ANXA10: variants seen among roughly 807,000 people sequenced by gnomAD.
ANXA10 encodes annexin 14.
In ANXA10, 49 loss-of-function variants were observed where a neutral mutation model predicts 53.5. The ratio of observed to expected loss-of-function variants is 0.92; its 90% CI spans 0.73 to 1.16. ANXA10 has a LOEUF of 1.16. Among genes scored for constraint, ANXA10 ranks in the 50% most tolerant of loss-of-function variants. The probability of loss-of-function intolerance (pLI) is 0.00; values close to 1 mark genes in which losing one functional copy is unlikely to be tolerated. For missense variants in ANXA10, 393 were observed against 394.4 expected, an observed-to-expected ratio of 1.00 and a Z score of 0.03; for synonymous variants, 131 against 128.9, an observed-to-expected ratio of 1.02 and a Z score of -0.11.
intron 3 of ANXA10, among the ~76,000 whole-genome samples, chr4:168,158,443 AT>A (rs1247880427): frequency 6.6e-6 from 1 of 152,066 alleles, no homozygotes. Context: ...TAAATTCATC[AT>A]TTTTTCATAT....
intron 3 of ANXA10, among the ~76,000 whole-genome samples, chr4:168,148,958 A>G (rs1036048703): frequency 2.6e-5 from 4 of 151,994 alleles, no homozygotes; most frequent in African/African-American, 9.7e-5. Context: ...ATATAACTTC[A>G]GTTTTGTTTT....
chr4:168,100,314 C>T (rs183321624), intron 1 of ANXA10, among the ~76,000 whole-genome samples: 1 of 152,040 alleles, frequency 6.6e-6, no homozygotes, highest in Non-Finnish European at 1.5e-5. Flanking sequence ...CAAGAACATT[C>T]TTTCCTTAGA....
intron 1 of ANXA10, among the ~76,000 whole-genome samples, chr4:168,105,891 T>G (rs1730712918): frequency 6.6e-6 from 1 of 152,162 alleles, no homozygotes; most frequent in Non-Finnish European, 1.5e-5. Flanking sequence ...TTTCATATGC[T>G]TCTTAGCCAC....
chr4:168,105,883 T>C (rs1203223804), intron 1 of ANXA10, among the ~76,000 whole-genome samples: 1 of 152,190 alleles, frequency 6.6e-6, no homozygotes, highest in African/African-American at 2.4e-5. Context: ...AAGCTTTTTT[T>C]CATATGCTTC....
chr4:168,159,682 T>C (rs1430769112), intron 3 of ANXA10, among the ~76,000 whole-genome samples: 1 of 152,214 alleles, frequency 6.6e-6, no homozygotes, highest in Non-Finnish European at 1.5e-5. Context: ...AATTTGTTTA[T>C]AATAGTCTCT....
intron 1 of ANXA10, among the ~76,000 whole-genome samples, chr4:168,104,533 C>T (rs1730688969): frequency 6.6e-6 from 1 of 151,814 alleles, no homozygotes; most frequent in African/African-American, 2.4e-5. Context: ...GATTTTCTTG[C>T]TGAAAGGTTT....
chr4:168,134,669 A>C (rs776457471), intron 2 of ANXA10, among the ~76,000 whole-genome samples: 4 of 152,098 alleles, frequency 2.6e-5, no homozygotes, highest in Non-Finnish European at 5.9e-5. Flanking sequence ...TCAGGGTCTT[A>C]ACCAGGCTTG....
chr4:168,187,394 C>G lies in ANXA10; in HGVS notation c.935C>G (p.Ala312Gly), dbSNP rs781005742. 6.3e-7 allele frequency: 1 copy of G among 1,598,508 alleles called. No individual in the cohort carries two copies. Among genetic ancestry groups the G allele is most frequent in the African/African-American group, 1.3e-5 (1 of 74,534 alleles). ...RNFASGHYKK[A>G]LLAICAGDAE... ...TTTGCTTCAGGGCATTATAAGAAAG[C>G]ACTGCTTGCCATCTGTGCTGGTGAT... Residue 312 changes from alanine to glycine, a missense_variant, in exon 12 of 12, where the codon GCA (alanine) becomes GGA (glycine). By Grantham distance (60) the Ala-to-Gly change is moderately conservative. Transcript: ENST00000359299.
At chr4:168,138,478 C>T (rs914422904) in intron 2 of ANXA10, among the ~76,000 whole-genome samples, 1 of 151,892 alleles carries the variant, frequency 6.6e-6, no homozygotes, top group Non-Finnish European at 1.5e-5. Context: ...CAGTAGCATG[C>T]TGTTTTGATT....
At chr4:168,126,756 T>C (rs1731077496) in intron 1 of ANXA10, among the ~76,000 whole-genome samples, 1 of 152,172 alleles carries the variant, frequency 6.6e-6, no homozygotes, top group South Asian at 2.1e-4. Context: ...ATTCACAGAA[T>C]AAGAATTCCA....
rs1241799624 is a variant in ANXA10 at position 168,165,240 on chromosome 4, T to C, written c.401-7T>C. 2 of 1,530,992 alleles carry C rather than the reference T, an allele frequency of 1.3e-6. No homozygotes were observed. The highest frequency in any genetic ancestry group is 1.8e-6 in the Non-Finnish European group (2 of 1,114,796). 94.8% of individuals were successfully genotyped at this position (1,530,992 alleles called of 1,614,324 possible). The stretch of plus-strand genomic sequence containing the variant: ...AAATCATACCTTTAACATGTTTTCT[T>C]ATACAGAATACAGCAATAACCTCCA... On this transcript the variant is annotated splice_region_variant and splice_polypyrimidine_tract_variant and intron_variant, in intron 5 of 11. Coordinates refer to ENST00000359299, the MANE Select transcript of ANXA10 (RefSeq NM_007193.5).
chr4:168,124,853 T>A (rs189780907), intron 1 of ANXA10, among the ~76,000 whole-genome samples: 25 of 152,298 alleles, frequency 1.6e-4, no homozygotes, highest in Admixed American at 1.3e-3. Flanking sequence ...TTTAGAAGGA[T>A]CATTTTGGTA....
At chr4:168,184,511 T>C in intron 10 of ANXA10, 48 bp from the exon 11 acceptor site, 1 of 1,608,290 alleles carries the variant, frequency 6.2e-7, no homozygotes, top group Non-Finnish European at 8.5e-7. Context: ...ACAGACTGAC[T>C]TTTAGGATGC....
intron 2 of ANXA10, among the ~76,000 whole-genome samples, chr4:168,138,172 AG>A (rs1430292009): frequency 1.3e-5 from 2 of 152,058 alleles, no homozygotes; most frequent in Non-Finnish European, 2.9e-5. Context: ...CATGTTAGCC[AG>A]GATGGTCTCA....
chr4:168,120,569 A>G (rs1375848094), intron 1 of ANXA10, among the ~76,000 whole-genome samples: 1 of 152,130 alleles, frequency 6.6e-6, no homozygotes, highest in East Asian at 1.9e-4. Context: ...TACAGAATGT[A>G]CATGTAATAA....
intron 3 of ANXA10, among the ~76,000 whole-genome samples, chr4:168,146,532 C>T (rs1463377791): frequency 1.3e-5 from 2 of 152,120 alleles, no homozygotes; most frequent in African/African-American, 4.8e-5. Context: ...GTAACCTTGG[C>T]GTCAGAAACA....
At chr4:168,093,112 A>G (rs189724840) in intron 1 of ANXA10, among the ~76,000 whole-genome samples, 191 of 152,276 alleles carry the variant, frequency 1.3e-3, no homozygotes, top group Non-Finnish European at 2.1e-3. Context: ...GAAACAACGT[A>G]TTATCCCACA....
chr4:168,107,025 T>C (rs1289685836), intron 1 of ANXA10, among the ~76,000 whole-genome samples: 5 of 152,194 alleles, frequency 3.3e-5, no homozygotes, highest in Admixed American at 3.3e-4. Flanking sequence ...GAGGGCCTCA[T>C]GGAGTTCTTA....
intron 3 of ANXA10, among the ~76,000 whole-genome samples, chr4:168,152,056 G>A (rs936125763): frequency 9.2e-5 from 14 of 152,198 alleles, no homozygotes; most frequent in East Asian, 1.9e-4. Flanking sequence ...TGAAATAGCC[G>A]TGAAGAAAAC....
Sources: gnomAD v4.1 joint callset for allele counts (sites outside exome capture counted in the v4.1 genomes callset) on GRCh38, gnomAD v4.1.1 for gene constraint, MANE v1.5 for transcripts, NCBI Gene and HGNC (gene_info 2026-07-23, HGNC 2026-07-21) for gene names.